MYO16: variants seen among roughly 807,000 people sequenced by gnomAD.
The protein encoded by MYO16 is myosin XVI, also known as unconventional myosin-XVI.
MYO16 carries 94 observed loss-of-function variants against 205.3 expected under a neutral mutation model. The ratio of observed to expected loss-of-function variants is 0.46; its 90% CI spans 0.39 to 0.54. MYO16 has a LOEUF of 0.54. Among genes scored for constraint, MYO16 ranks in the 20% least tolerant of loss-of-function variants. The pLI is 0.00. For synonymous variants in MYO16, 988 were observed against 954.0 expected (o/e 1.04, Z -0.66); for missense variants, 2,315 against 2,387.5 (o/e 0.97, Z 0.63).
chr13:108,796,724 A>T (rs1473470030), intron 6 of MYO16, among the ~76,000 whole-genome samples: 2 of 141,290 alleles, frequency 1.4e-5, no homozygotes, highest in Non-Finnish European at 3.0e-5. Flanking sequence ...TAATGAGAAC[A>T]CATGGACACA....
intron 11 of MYO16, among the ~76,000 whole-genome samples, chr13:108,863,562 T>A (rs1309611221): frequency 1.3e-5 from 2 of 152,134 alleles, no homozygotes; most frequent in African/African-American, 2.4e-5. Flanking sequence ...GTATTATCAT[T>A]ATTACTAAAT....
At chr13:108,940,696 A>G (rs1480724752) in intron 16 of MYO16, among the ~76,000 whole-genome samples, 1 of 152,248 alleles carries the variant, frequency 6.6e-6, no homozygotes, top group Non-Finnish European at 1.5e-5. Flanking sequence ...TGAAGGATTA[A>G]AAAGCAAGTC....
At chr13:109,068,790 C>T (rs1298179773) in intron 27 of MYO16, among the ~76,000 whole-genome samples, 1 of 152,106 alleles carries the variant, frequency 6.6e-6, no homozygotes, top group Non-Finnish European at 1.5e-5. Flanking sequence ...GGGGTTTCAC[C>T]ATGTTGGTCA....
chr13:108,673,539 A>G (rs911572610), intron 2 of MYO16, among the ~76,000 whole-genome samples: 2 of 152,124 alleles, frequency 1.3e-5, no homozygotes, highest in African/African-American at 2.4e-5. Flanking sequence ...GTAATCTATT[A>G]GGAAAATTGA....
chr13:109,029,124 T>TTA (rs1555325899), intron 23 of MYO16, among the ~76,000 whole-genome samples: 1 of 146,310 alleles, frequency 6.8e-6, no homozygotes, highest in Non-Finnish European at 1.5e-5. Flanking sequence ...TTTTTTTTTT[T>TTA]TTTTTTTGAG....
At chr13:108,608,651 G>GT (rs774506124) in intron 1 of MYO16, among the ~76,000 whole-genome samples, 1 of 151,290 alleles carries the variant, frequency 6.6e-6, no homozygotes, top group African/African-American at 2.4e-5. Flanking sequence ...ACCCACAAAT[G>GT]ATTTTTTTTT....
chr13:108,823,291 C>T lies in MYO16; in HGVS notation c.1097+13C>T. 6.3e-7 allele frequency: 1 copy of T among 1,587,764 alleles called. No individual in the cohort carries two copies. The highest frequency in any genetic ancestry group is 2.2e-5 in the East Asian group (1 of 44,636). ...TGTCGAGTAAGCTGTAAGTGTCTTC[C>T]TGCTTATTCTCTTTTGCCATCTTCT... On this transcript the variant is annotated intron_variant, in intron 9 of 34. Transcript: ENST00000457511.
At chr13:108,781,826 G>A (rs1347845483) in intron 4 of MYO16, among the ~76,000 whole-genome samples, 1 of 152,100 alleles carries the variant, frequency 6.6e-6, no homozygotes, top group African/African-American at 2.4e-5. Flanking sequence ...AGATTTGATG[G>A]GTTTATCAGG....
chr13:108,554,693 C>CA, the MYO16 span, among the ~76,000 whole-genome samples: 297 of 151,408 alleles, frequency 2.0e-3, no homozygotes, highest in African/African-American at 6.0e-3. Context: ...GCTAAAAATA[C>CA]AAAAAAATTA....
chr13:109,055,537 G>A lies in MYO16; in HGVS notation c.3277G>A (p.Val1093Met), dbSNP rs1013584588. Reference protein sequence around the residue: ...QLQYIGVLEMVKIFRYGYPVR... With the variant: ...QLQYIGVLEMMKIFRYGYPVR... ...ACAATATATTGGGGTCCTGGAGATGGTGAAGATCTTCCGATATGGATACCC... is the reference window on the plus strand; with the variant it reads ...ACAATATATTGGGGTCCTGGAGATGATGAAGATCTTCCGATATGGATACCC... Residue 1093 changes from valine to methionine, a missense_variant, in exon 27 of 35, where the codon GTG becomes ATG. Transcript: ENST00000457511. This position sits in a 1 kb window ranked among gnomAD's most constrained non-coding sequence, Gnocchi z 5.0. 2 of 1,612,958 alleles carry A rather than the reference G, an allele frequency of 1.2e-6. No homozygotes were observed. Among genetic ancestry groups the A allele is most frequent in the African/African-American group, 2.7e-5 (2 of 74,844 alleles).
chr13:108,844,930 G>C (rs1877440505), intron 10 of MYO16, among the ~76,000 whole-genome samples: 1 of 152,092 alleles, frequency 6.6e-6, no homozygotes, highest in South Asian at 2.1e-4. Context: ...GTACGTGTCT[G>C]TGTGTTTATG....
chr13:109,141,399 C>G lies in MYO16; in HGVS notation c.5164+23C>G, dbSNP rs117959627. On this transcript the variant is annotated intron_variant, in intron 32 of 34. Transcript: ENST00000457511. This position sits in a 1 kb window ranked among gnomAD's most constrained non-coding sequence, Gnocchi z 4.1. ...AAGGTAAGCGGAGCAGACATCCCCC[C>G]ACTCCTTTTGCATGGACGCTGTGCT... 63 of 1,421,752 alleles carry G rather than the reference C, an allele frequency of 4.4e-5. No homozygotes were observed. The South Asian group carries it at 7.2e-4, about 16-fold the overall frequency. 88.1% of individuals were successfully genotyped at this position (1,421,752 alleles called of 1,614,324 possible).
At chr13:108,746,585 C>T (rs1019129403) in intron 4 of MYO16, among the ~76,000 whole-genome samples, 1 of 151,998 alleles carries the variant, frequency 6.6e-6, no homozygotes, top group African/African-American at 2.4e-5. Flanking sequence ...TCCCAATATA[C>T]TGATATGATC....
chr13:108,976,410 CAG>C (rs1884259117), intron 20 of MYO16, among the ~76,000 whole-genome samples: 1 of 152,112 alleles, frequency 6.6e-6, no homozygotes, highest in South Asian at 2.1e-4. Flanking sequence ...GGATTGAACA[CAG>C]ATAAATGAAT....
In MYO16 at chr13:109,206,780, C is replaced by T. The variant is rs574782903; in HGVS notation, c.5587C>T (p.Pro1863Ser). 3.1e-6 allele frequency: 5 copies of T among 1,614,194 alleles called. No homozygotes were observed. Among genetic ancestry groups the T allele is most frequent in the South Asian group, 2.2e-5 (2 of 91,084 alleles). ...CAAGAAGCCCAGCCTTCTGAAGAAG[C>T]CGGAAGGGGCCTCCTGCAACAGGCT... ...PCKKPSLLKK[P>S]EGASCNRLPS... The change falls in exon 35 of 35, where the codon CCG becomes TCG. Residue 1863 changes from proline to serine, a missense_variant. Transcript: ENST00000457511.
At chr13:108,547,248 G>A in the MYO16 span, among the ~76,000 whole-genome samples, 2 of 147,592 alleles carry the variant, frequency 1.4e-5, no homozygotes, top group Non-Finnish European at 3.0e-5. Context: ...CTCCAGCCTG[G>A]CCAACAGAGC....
At chr13:108,545,353 C>G in the MYO16 span, among the ~76,000 whole-genome samples, 1 of 152,158 alleles carries the variant, frequency 6.6e-6, no homozygotes, top group Non-Finnish European at 1.5e-5. Context: ...TTTATGGCGG[C>G]ATAGTATTCC....
chr13:108,829,967 C>A (rs2139037914), intron 9 of MYO16, among the ~76,000 whole-genome samples: 1 of 145,348 alleles, frequency 6.9e-6, no homozygotes, highest in South Asian at 2.3e-4. Flanking sequence ...ACAGACACTT[C>A]TCAAAAGAAG....
chr13:108,499,133 C>T, the MYO16 span, among the ~76,000 whole-genome samples: 1 of 152,094 alleles, frequency 6.6e-6, no homozygotes, highest in Non-Finnish European at 1.5e-5. Context: ...TGAGATCAAA[C>T]ATTTATACTC....
Sources: allele counts gnomAD v4.1 joint callset (sites outside exome capture counted in the v4.1 genomes callset), GRCh38; gene constraint gnomAD v4.1.1; non-coding constraint Gnocchi (gnomAD v3.1); transcripts MANE v1.5; gene names NCBI Gene and HGNC (gene_info 2026-07-23, HGNC 2026-07-21).